Variants in ZDHHC21 observed in about 807,000 individuals in gnomAD.
ZDHHC21 encodes the protein palmitoyltransferase ZDHHC21.
Under a neutral mutation model 34.6 loss-of-function variants are expected in ZDHHC21, and 15 were observed. The observed-to-expected ratio is 0.43, with a 90% CI of 0.29 to 0.67. The LOEUF (loss-of-function observed/expected upper bound fraction) is 0.67, where lower values mean the gene tolerates loss of function less well. ZDHHC21 is among the 30% of genes least tolerant of loss of function. ZDHHC21 has a pLI of 0.14. For synonymous variants in ZDHHC21, 142 were observed against 101.8 expected (o/e 1.40, Z -2.38); for missense variants, 344 against 327.7 (o/e 1.05, Z -0.38).
At chr9:14,605,685 A>G in the ZDHHC21 span, among the ~76,000 whole-genome samples, 1 of 152,202 alleles carries the variant, frequency 6.6e-6, no homozygotes, top group Non-Finnish European at 1.5e-5. Flanking sequence ...AAGCTTTTAA[A>G]GTTGATGCAG....
intron 7 of ZDHHC21, among the ~76,000 whole-genome samples, chr9:14,651,257 C>G (rs1222161866): frequency 6.6e-6 from 1 of 151,788 alleles, no homozygotes; most frequent in Non-Finnish European, 1.5e-5. Flanking sequence ...GTTCACTGAG[C>G]TTTCTCTGAA....
chr9:14,605,186 C>A, the ZDHHC21 span, among the ~76,000 whole-genome samples: 12 of 147,086 alleles, frequency 8.2e-5, no homozygotes, highest in East Asian at 2.4e-3. Flanking sequence ...GCAAATATCT[C>A]TTCCAGATCC....
In ZDHHC21 at chr9:14,611,764, GCT is replaced by G. The variant is rs1823340151; in HGVS notation, c.*7200_*7201del. 6.6e-6 allele frequency: 1 copy of G among 152,014 alleles called. No homozygotes were observed. Among genetic ancestry groups the G allele is most frequent in the South Asian group, 2.1e-4 (1 of 4,830 alleles). The allele number at this position is 152,014 out of a possible 1,614,324, so 9.4% of individuals were successfully genotyped here. On this transcript the variant is annotated 3_prime_UTR_variant, in exon 10 of 10. Transcript: ENST00000380916. ...AGCTCATACAGCATGATCCACGTGT[GCT>G]CTGTCCTTGCAAGAGCCTAGCTTTG...
Position 14,619,679 on chromosome 9 carries a change from T to C in ZDHHC21, c.625A>G (p.Thr209Ala), listed in dbSNP as rs891740690. ...YTQLIGIITD[T>A]TSIEKMSNCC... ...TTTGACATCTTTTCAATAGATGTTGTATCCTATTAAAAATAAAAAATTATA... is the reference window on the plus strand; with the variant it reads ...TTTGACATCTTTTCAATAGATGTTGCATCCTATTAAAAATAAAAAATTATA... Residue 209 changes from threonine (T) to alanine (A), a missense_variant, in exon 9 of 10, where the codon ACA (threonine) becomes GCA (alanine). Coordinates refer to ENST00000380916, the MANE Select transcript of ZDHHC21 (RefSeq NM_178566.6). The C allele has an allele frequency of 4.3e-6, 6 of 1,380,306 alleles. No homozygotes were observed. Among genetic ancestry groups the C allele is most frequent in the Non-Finnish European group, 6.0e-6 (6 of 1,002,928 alleles). 85.5% of individuals were successfully genotyped at this position (1,380,306 alleles called of 1,614,324 possible).
In ZDHHC21 at chr9:14,619,516, T is replaced by G. The variant is rs532789974; in HGVS notation, c.665+123A>C. Reference sequence around the variant, plus strand: ...TGGGGTAGCTTGCCTAGCACAGGCCTCAGACAATGCACCAAGAAAAAGCCA... The same window carrying G: ...TGGGGTAGCTTGCCTAGCACAGGCCGCAGACAATGCACCAAGAAAAAGCCA... On this transcript the variant is annotated intron_variant, in intron 9 of 9. Coordinates refer to ENST00000380916, the MANE Select transcript of ZDHHC21 (RefSeq NM_178566.6). 31 of 840,296 alleles carry G rather than the reference T, an allele frequency of 3.7e-5. No individual in the cohort carries two copies. In the African/African-American group the frequency reaches 5.3e-4, roughly 14 times the overall value. The allele number at this position is 840,296 out of a possible 1,614,324, so 52.1% of individuals were successfully genotyped here. A position where few individuals can be genotyped will look rare whatever the true frequency, so the allele number is the denominator to read the frequency against.
At chr9:14,641,563 G>A (rs1244135331) in intron 7 of ZDHHC21, among the ~76,000 whole-genome samples, 1 of 152,006 alleles carries the variant, frequency 6.6e-6, no homozygotes, top group Non-Finnish European at 1.5e-5. Flanking sequence ...ACCAAAATAT[G>A]TAGGAATACA....
At chr9:14,624,106 AT>A (rs1274951315) in intron 8 of ZDHHC21, among the ~76,000 whole-genome samples, 4 of 152,218 alleles carry the variant, frequency 2.6e-5, no homozygotes, top group South Asian at 4.1e-4. Context: ...ATTTAAAAAA[AT>A]AAATAATAAT....
chr9:14,647,077 A>G (rs1462871221), intron 7 of ZDHHC21, among the ~76,000 whole-genome samples: 2 of 152,160 alleles, frequency 1.3e-5, no homozygotes, highest in African/African-American at 4.8e-5. Flanking sequence ...CATGTATAAT[A>G]GCAGCAATAA....
chr9:14,632,081 ACACACACACT>A (rs1827458783), intron 8 of ZDHHC21, among the ~76,000 whole-genome samples: 2 of 151,822 alleles, frequency 1.3e-5, no homozygotes, highest in African/African-American at 4.8e-5. Flanking sequence ...ACACACACAC[ACACACACACT>A]ATCTACAAAG....
chr9:14,604,151 T>C, the ZDHHC21 span, among the ~76,000 whole-genome samples: 1 of 152,124 alleles, frequency 6.6e-6, no homozygotes, highest in Non-Finnish European at 1.5e-5. Context: ...ACAATATATA[T>C]GTTGGTTGGA....
chr9:14,644,878 G>A (rs1564276319), intron 7 of ZDHHC21, among the ~76,000 whole-genome samples: 1 of 151,574 alleles, frequency 6.6e-6, no homozygotes. Context: ...TGTAGAAATT[G>A]CTAAGCTGTT....
chr9:14,688,415 T>C (rs141963913), intron 2 of ZDHHC21, among the ~76,000 whole-genome samples: 1 of 150,966 alleles, frequency 6.6e-6, no homozygotes, highest in Non-Finnish European at 1.5e-5. Flanking sequence ...GTCCCCATCA[T>C]TAAAAGTAAT....
intron 8 of ZDHHC21, among the ~76,000 whole-genome samples, chr9:14,630,309 C>G (rs140386443): frequency 3.7e-4 from 56 of 152,310 alleles, no homozygotes; most frequent in African/African-American, 1.3e-3. Context: ...CAAAACACCA[C>G]TTTTTGGGCT....
At chr9:14,592,977 C>G in the ZDHHC21 span, among the ~76,000 whole-genome samples, 1 of 151,990 alleles carries the variant, frequency 6.6e-6, no homozygotes, top group African/African-American at 2.4e-5. Flanking sequence ...AAAAAGAACA[C>G]AGCATATCAA....
chr9:14,625,432 C>T (rs1289309904), intron 8 of ZDHHC21, among the ~76,000 whole-genome samples: 1 of 151,978 alleles, frequency 6.6e-6, no homozygotes, highest in Non-Finnish European at 1.5e-5. Context: ...CACTGAAAAT[C>T]TCTTTCCAAA....
At chr9:14,602,155 T>A in the ZDHHC21 span, among the ~76,000 whole-genome samples, 3 of 151,388 alleles carry the variant, frequency 2.0e-5, no homozygotes, top group Non-Finnish European at 4.4e-5. Flanking sequence ...ATAATAATAA[T>A]AAAAAGAACC....
the ZDHHC21 span, among the ~76,000 whole-genome samples, chr9:14,601,956 T>C: frequency 9.7e-3 from 1,471 of 151,872 alleles, 27 homozygotes; most frequent in African/African-American, 0.034. Flanking sequence ...TGAAAATATA[T>C]GGACACACGG....
In ZDHHC21 at chr9:14,616,951, C is replaced by A. The variant is rs1383624560; in HGVS notation, c.*2015G>T. On this transcript the variant is annotated 3_prime_UTR_variant, in exon 10 of 10. Coordinates refer to ENST00000380916, the MANE Select transcript of ZDHHC21 (RefSeq NM_178566.6). ...ACAAATCATCAGAGTGGGAAAGAGA[C>A]CCTGCCCAGTACCCACTGCTACTAC... 6.6e-6 allele frequency: 1 copy of A among 151,796 alleles called. No individual in the cohort carries two copies. The highest frequency in any genetic ancestry group is 6.6e-5 in the Admixed American group (1 of 15,204). The allele number at this position is 151,796 out of a possible 1,614,324, so 9.4% of individuals were successfully genotyped here. A position where few individuals can be genotyped will look rare whatever the true frequency, so the allele number is the denominator to read the frequency against.
intron 7 of ZDHHC21, among the ~76,000 whole-genome samples, chr9:14,658,261 T>C (rs76304849): frequency 0.032 from 4,801 of 152,152 alleles, 258 homozygotes; most frequent in African/African-American, 0.11. Flanking sequence ...TAACCATAAA[T>C]GAATTTCATT....
Sources: gnomAD v4.1 joint callset for allele counts (sites outside exome capture counted in the v4.1 genomes callset) on GRCh38, gnomAD v4.1.1 for gene constraint, MANE v1.5 for transcripts, NCBI Gene and HGNC (gene_info 2026-07-23, HGNC 2026-07-21) for gene names.